Variants in TSEN2 observed in about 807,000 individuals in gnomAD.
The protein encoded by TSEN2 is tRNA splicing endonuclease subunit 2.
A neutral mutation model predicts 59.2 loss-of-function variants in TSEN2; 54 were observed. The observed-to-expected ratio is 0.91, with a 90% CI of 0.73 to 1.14. TSEN2 has a LOEUF of 1.14. Among genes scored for constraint, TSEN2 ranks in the 50% most tolerant of loss-of-function variants. TSEN2 has a pLI of 0.00. For synonymous variants in TSEN2, 195 were observed against 198.2 expected (o/e 0.98, Z 0.14); for missense variants, 636 against 576.2 (o/e 1.10, Z -1.06).
chr3:12,518,729 A>G (rs537964631), intron 7 of TSEN2, among the ~76,000 whole-genome samples: 1 of 148,538 alleles, frequency 6.7e-6, no homozygotes, highest in South Asian at 2.1e-4. Flanking sequence ...CATACTGAGT[A>G]GGAAGTCAGT....
rs1405881218 is a variant in TSEN2, at chr3:12,519,108, C to T, written c.1010C>T (p.Pro337Leu). The change falls in exon 8 of 12, where the codon CCC (proline) becomes CTC (leucine). Residue 337 changes from proline (P) to leucine (L), a missense_variant. Coordinates refer to ENST00000284995, the MANE Select transcript of TSEN2 (RefSeq NM_025265.4). ...TGGAAAGCTTTCACTGTAGTTCAGC[C>T]CACGTTCAGAACCACCTACATGGCC... ...KLWKAFTVVQ[P>L]TFRTTYMAYH... The T allele has an allele frequency of 1.9e-6, 3 of 1,614,136 alleles. No homozygotes were observed. Among genetic ancestry groups the T allele is most frequent in the Non-Finnish European group, 2.5e-6 (3 of 1,180,016 alleles).
At chr3:12,484,449 T>C (rs2124852052), upstream of TSEN2, 1 of 152,360 alleles carries the variant, frequency 6.6e-6, no homozygotes, top group African/African-American at 2.4e-5. Flanking sequence ...CCGCACTGCT[T>C]GACGGCAGCG....
chr3:12,489,705 G>A, intron 1 of TSEN2, 79 bp from the exon 2 acceptor site: 1 of 1,227,376 alleles, frequency 8.1e-7, no homozygotes, highest in Non-Finnish European at 1.2e-6. Context: ...TCTGAGCCTA[G>A]GTACAGATGT....
intron 2 of TSEN2, 91 bp downstream of exon 2, chr3:12,490,080 CA>C (rs2053058324): frequency 3.5e-6 from 4 of 1,157,934 alleles, no homozygotes; most frequent in Non-Finnish European, 5.2e-6. Context: ...ACCCCCACAC[CA>C]ACCATGAACA....
chr3:12,523,526 C>CTTTTTTTTTTTTTTTTT lies in TSEN2; in HGVS notation c.1099+4338_1099+4354dup, dbSNP rs546904336. Among the ~76,000 whole-genome samples the CTTTTTTTTTTTTTTTTT allele has an allele frequency of 6.8e-3, 317 of 46,472 alleles. 54 individuals are homozygous for CTTTTTTTTTTTTTTTTT. Among genetic ancestry groups the CTTTTTTTTTTTTTTTTT allele is most frequent in the Non-Finnish European group, 9.3e-3 (213 of 23,024 alleles). The allele number at this position is 46,472 out of a possible 152,430, so 30.5% of individuals were successfully genotyped here. On this transcript the variant is annotated intron_variant, in intron 8 of 11. Transcript: ENST00000284995. ...CTTCTCCTCATCTTCCTCTTTGATT[C>CTTTTTTTTTTTTTTTTT]TTTTTTTTTTTTTTTTTTTTTTTTT...
chr3:12,505,817 A>G (rs1340368176), intron 6 of TSEN2, among the ~76,000 whole-genome samples: 1 of 141,632 alleles, frequency 7.1e-6, no homozygotes, highest in African/African-American at 2.6e-5. Flanking sequence ...CTTTATGTTG[A>G]TGGCTAGGTG....
chr3:12,520,014 T>C (rs1391097602), intron 8 of TSEN2, among the ~76,000 whole-genome samples: 1 of 152,284 alleles, frequency 6.6e-6, no homozygotes, highest in East Asian at 1.9e-4. Context: ...TTTTTTTTTT[T>C]TGAGACGGAG....
intron 4 of TSEN2, among the ~76,000 whole-genome samples, chr3:12,500,650 C>T (rs2054197549): frequency 6.6e-6 from 1 of 152,196 alleles, no homozygotes; most frequent in Admixed American, 6.5e-5. Flanking sequence ...CTAAAAACTC[C>T]ACAATGATAT....
Position 12,523,446 on chromosome 3 carries a change from G to A in TSEN2, c.1099+4249G>A, listed in dbSNP as rs144094252. 5.2e-4 allele frequency among the ~76,000 whole-genome samples: 79 copies of A among 151,340 alleles called. 3 individuals carry two copies. In the East Asian group the frequency reaches 0.013, roughly 26 times the overall value. ...AGCCCAGAGACTAACAGTTCTGTCC[G>A]TGAATGGAGGTCAACAGAGCAGCTC... On this transcript the variant is annotated intron_variant, in intron 8 of 11. Coordinates refer to ENST00000284995, the MANE Select transcript of TSEN2 (RefSeq NM_025265.4).
intron 10 of TSEN2, 98 bp from the exon 11 acceptor site, chr3:12,531,472 G>A: frequency 1.3e-6 from 1 of 753,450 alleles, no homozygotes; most frequent in South Asian, 1.5e-5. Context: ...GGAGTGCACA[G>A]TGAGAGGGAC....
At position 12,493,858 on chromosome 3, in the gene TSEN2, A is replaced by C. The variant is rs887161446; in HGVS notation, c.271+1641A>C. Among the ~76,000 whole-genome samples the C allele has an allele frequency of 7.2e-5, 11 of 152,348 alleles. 1 individual carries two copies. Among genetic ancestry groups the C allele is most frequent in the Middle Eastern group, 6.8e-3 (2 of 294 alleles). On this transcript the variant is annotated intron_variant, in intron 3 of 11. Transcript: ENST00000284995. ...GAAGTCCAATTTATCTATTTTTTCT[A>C]CTATTGCCTGTGCTTTTGGTATCTA... is the stretch of plus-strand genomic sequence containing the variant.
chr3:12,509,990 G>C (rs1466095673), intron 6 of TSEN2, among the ~76,000 whole-genome samples: 1 of 152,194 alleles, frequency 6.6e-6, no homozygotes, highest in Non-Finnish European at 1.5e-5. Context: ...AAGGATGTCA[G>C]GCTCATGTGT....
chr3:12,500,309 CTTT>C (rs1224894396), intron 4 of TSEN2, among the ~76,000 whole-genome samples: 1 of 152,194 alleles, frequency 6.6e-6, no homozygotes, highest in Non-Finnish European at 1.5e-5. Flanking sequence ...TTGTGTGGCT[CTTT>C]TCATCATATC....
At chr3:12,485,366 C>T (rs1030855621) in intron 1 of TSEN2, among the ~76,000 whole-genome samples, 4 of 151,546 alleles carry the variant, frequency 2.6e-5, no homozygotes, top group African/African-American at 9.7e-5. Flanking sequence ...ACAGACTCTG[C>T]TTTTAATAGA....
At chr3:12,482,214 C>G (rs1445421720), upstream of TSEN2, among the ~76,000 whole-genome samples, 1 of 152,150 alleles carries the variant, frequency 6.6e-6, no homozygotes, top group African/African-American at 2.4e-5. Context: ...CTCCACCTCC[C>G]CGGTTCAAGC....
chr3:12,505,047 ATG>A, intron 5 of TSEN2, 105 bp from the exon 6 acceptor site: 2 of 754,928 alleles, frequency 2.6e-6, no homozygotes, highest in Non-Finnish European at 4.7e-6. Context: ...ACACAATAGA[ATG>A]TGAATCCTGG....
intron 9 of TSEN2, 62 bp from the exon 10 acceptor site, chr3:12,529,700 T>C (rs982002089): frequency 1.1e-5 from 16 of 1,477,358 alleles, no homozygotes; most frequent in Admixed American, 1.7e-5. Context: ...GTAGGACAAA[T>C]ATTCTTTTTA....
At chr3:12,509,453 G>T (rs2055198550) in intron 6 of TSEN2, among the ~76,000 whole-genome samples, 1 of 152,106 alleles carries the variant, frequency 6.6e-6, no homozygotes, top group African/African-American at 2.4e-5. Context: ...GCCCGTCTTG[G>T]CCTCCCAAAG....
intron 1 of TSEN2, among the ~76,000 whole-genome samples, chr3:12,485,526 GATTA>G (rs2052525177): frequency 1.3e-5 from 2 of 152,150 alleles, no homozygotes; most frequent in Admixed American, 1.3e-4. Flanking sequence ...GGGCTACTGG[GATTA>G]AGTGAATTTG....
Sources: allele counts gnomAD v4.1 joint callset (sites outside exome capture counted in the v4.1 genomes callset), GRCh38; gene constraint gnomAD v4.1.1; transcripts MANE v1.5; gene names NCBI Gene and HGNC (gene_info 2026-07-23, HGNC 2026-07-21).